Variants in QKI observed in about 807,000 individuals in gnomAD.
QKI encodes the protein QKI, KH domain containing RNA binding.
A neutral mutation model predicts 39.0 loss-of-function variants in QKI; 10 were observed. The observed-to-expected ratio is 0.26, with a 90% confidence interval of 0.16 to 0.43. The LOEUF is 0.43. Among genes scored for constraint, QKI ranks in the 20% least tolerant of loss-of-function variants. The probability of loss-of-function intolerance (pLI) is 1.00; values close to 1 mark genes in which losing one functional copy is unlikely to be tolerated. For synonymous variants in QKI, 204 were observed against 155.4 expected, an observed-to-expected ratio of 1.31 and a Z score of -2.33; for missense variants, 218 against 428.0, an observed-to-expected ratio of 0.51 and a Z score of 4.33.
intron 1 of QKI, chr6:163,423,728 C>CATT (rs2128208369): frequency 6.6e-6 from 1 of 152,260 alleles, no homozygotes; most frequent in Non-Finnish European, 1.5e-5. Context: ...GTGAGAAAGC[C>CATT]ATTTTTAGAG....
At chr6:163,473,457 A>G (rs1171938619) in intron 2 of QKI, among the ~76,000 whole-genome samples, 1 of 152,194 alleles carries the variant, frequency 6.6e-6, no homozygotes, top group Non-Finnish European at 1.5e-5. Flanking sequence ...TTTTGAAATC[A>G]GTCTACCTCA....
At chr6:163,422,306 A>G (rs1037103582) in intron 1 of QKI, among the ~76,000 whole-genome samples, 3 of 152,206 alleles carry the variant, frequency 2.0e-5, no homozygotes, top group South Asian at 4.1e-4. Flanking sequence ...TATTAGTCTA[A>G]TATTTTTGTA....
At chr6:163,443,292 C>T (rs781508195) in intron 1 of QKI, among the ~76,000 whole-genome samples, 11 of 152,156 alleles carry the variant, frequency 7.2e-5, no homozygotes, top group African/African-American at 1.4e-4. Context: ...AACTCTTCAC[C>T]GGGTACAGTG....
intron 4 of QKI, among the ~76,000 whole-genome samples, chr6:163,546,975 A>T (rs1381196741): frequency 6.6e-6 from 1 of 152,152 alleles, no homozygotes; most frequent in African/African-American, 2.4e-5. Context: ...AATAAAATAT[A>T]AGAGTATTTA....
chr6:163,483,553 A>G (rs1793244062), intron 3 of QKI, among the ~76,000 whole-genome samples: 1 of 152,210 alleles, frequency 6.6e-6, no homozygotes, highest in East Asian at 1.9e-4. Context: ...TTTCATCTCA[A>G]GAAATCACTT....
Position 163,574,321 on chromosome 6 carries a change from G to A in QKI, c.*3611G>A, listed in dbSNP as rs940415707. On this transcript the variant is annotated 3_prime_UTR_variant, in exon 8 of 8. Transcript: ENST00000361752. ...ATATTTTACCTTTATTTAGATTTTT[G>A]TTTTAACTTGACCTTTTTCCTTTGG... 5.3e-5 allele frequency: 8 copies of A among 152,194 alleles called. No individual in the cohort carries two copies. The highest frequency in any genetic ancestry group is 1.9e-4 in the African/African-American group (8 of 41,514). 9.4% of individuals were successfully genotyped at this position (152,194 alleles called of 1,614,324 possible).
chr6:163,571,385 C>G lies in QKI; in HGVS notation c.*675C>G, dbSNP rs1406656109. 6.6e-6 allele frequency: 1 copy of G among 152,080 alleles called. No homozygotes were observed. The highest frequency in any genetic ancestry group is 2.4e-5 in the African/African-American group (1 of 41,414). The allele number at this position is 152,080 out of a possible 1,614,324, so 9.4% of individuals were successfully genotyped here. The stretch of plus-strand genomic sequence containing the variant: ...TAATGCAAATAACAAAACTGCAACA[C>G]TATTTTTAAAAAGATAAATATCTGA... On this transcript the variant is annotated 3_prime_UTR_variant, in exon 8 of 8. Coordinates refer to ENST00000361752, the MANE Select transcript of QKI (RefSeq NM_006775.3).
intron 3 of QKI, among the ~76,000 whole-genome samples, chr6:163,522,201 T>C (rs1210666233): frequency 6.6e-6 from 1 of 152,184 alleles, no homozygotes; most frequent in African/African-American, 2.4e-5. Context: ...ATATGTGCTT[T>C]TATATAACAC....
intron 3 of QKI, among the ~76,000 whole-genome samples, chr6:163,488,737 G>C (rs1486493640): frequency 2.0e-5 from 3 of 152,108 alleles, no homozygotes; most frequent in African/African-American, 7.2e-5. Context: ...AGTTGTGCTA[G>C]TATATAGATC....
chr6:163,559,279 C>T (rs906413060), intron 4 of QKI, among the ~76,000 whole-genome samples: 4 of 152,126 alleles, frequency 2.6e-5, no homozygotes, highest in Non-Finnish European at 4.4e-5. Flanking sequence ...ACTTCTTTCT[C>T]GCTATGGTAG....
At chr6:163,539,592 A>G (rs1301708127) in intron 4 of QKI, among the ~76,000 whole-genome samples, 1 of 152,212 alleles carries the variant, frequency 6.6e-6, no homozygotes, top group African/African-American at 2.4e-5. Flanking sequence ...CAGAATGTCC[A>G]GTAGTGAACA....
intron 3 of QKI, among the ~76,000 whole-genome samples, chr6:163,525,644 C>G (rs1230693676): frequency 6.6e-6 from 1 of 152,152 alleles, no homozygotes; most frequent in South Asian, 2.1e-4. Flanking sequence ...AGATTACAGG[C>G]GTGAGCCACC....
chr6:163,565,909 G>A (rs1011577853), intron 6 of QKI: 1 of 1,612,782 alleles, frequency 6.2e-7, no homozygotes, highest in Non-Finnish European at 8.5e-7. Flanking sequence ...AGTCTTCATT[G>A]ATGACTAATT....
chr6:163,576,275 C>G lies in QKI; in HGVS notation c.*5565C>G, dbSNP rs1429342952. 1.3e-5 allele frequency: 2 copies of G among 152,050 alleles called. No individual in the cohort carries two copies. The highest frequency in any genetic ancestry group is 2.9e-5 in the Non-Finnish European group (2 of 68,050). 9.4% of individuals were successfully genotyped at this position (152,050 alleles called of 1,614,324 possible). A position where few individuals can be genotyped will look rare whatever the true frequency, so the allele number is the denominator to read the frequency against. On this transcript the variant is annotated 3_prime_UTR_variant, in exon 8 of 8. Coordinates refer to ENST00000361752, the MANE Select transcript of QKI (RefSeq NM_006775.3). ...AACTGGTTAACCTCAGCACAGTCCT[C>G]TCGTTTCTGTGTTTCTGCTGCACTA...
chr6:163,451,489 G>C (rs969373949), intron 1 of QKI, among the ~76,000 whole-genome samples: 3 of 152,208 alleles, frequency 2.0e-5, no homozygotes, highest in Non-Finnish European at 4.4e-5. Context: ...TGTTTATGGG[G>C]CTGCTGAGTT....
chr6:163,489,307 G>A (rs932287297), intron 3 of QKI, among the ~76,000 whole-genome samples: 2 of 151,954 alleles, frequency 1.3e-5, no homozygotes, highest in African/African-American at 2.4e-5. Context: ...TTAGGGTGAT[G>A]GTTTGCGTTA....
At chr6:163,568,866 A>G (rs1341477549) in intron 7 of QKI, 4 of 985,664 alleles carry the variant, frequency 4.1e-6, no homozygotes, top group Non-Finnish European at 4.8e-6. Flanking sequence ...AATGAACTGT[A>G]TGGTCTTGCA....
chr6:163,425,504 A>G (rs1275589433), intron 1 of QKI, among the ~76,000 whole-genome samples: 1 of 152,240 alleles, frequency 6.6e-6, no homozygotes, highest in Non-Finnish European at 1.5e-5. Flanking sequence ...TATACAATAT[A>G]TATGGGTTTA....
chr6:163,459,505 C>G (rs191002306), intron 2 of QKI, among the ~76,000 whole-genome samples: 1 of 152,142 alleles, frequency 6.6e-6, no homozygotes, highest in East Asian at 1.9e-4. Flanking sequence ...GGTTGAGAAA[C>G]CCTGCGTTAG....
Sources: gnomAD v4.1 joint callset for allele counts (sites outside exome capture counted in the v4.1 genomes callset) on GRCh38, gnomAD v4.1.1 for gene constraint, MANE v1.5 for transcripts, NCBI Gene and HGNC (gene_info 2026-07-23, HGNC 2026-07-21) for gene names.